The following PTPRR variants were observed in gnomAD, a reference collection of about 807,000 sequenced individuals.
The protein encoded by PTPRR is receptor-type tyrosine-protein phosphatase R.
Under a neutral mutation model 77.2 loss-of-function variants are expected in PTPRR, and 38 were observed. The observed-to-expected ratio is 0.49, with a 90% CI of 0.38 to 0.65. PTPRR has a LOEUF of 0.65. Among genes scored for constraint, PTPRR ranks in the 30% least tolerant of loss-of-function variants. The pLI is 0.00. For synonymous variants in PTPRR, 299 were observed against 283.1 expected (o/e 1.06, Z -0.57); for missense variants, 744 against 799.2 (o/e 0.93, Z 0.83).
intron 11 of PTPRR, among the ~76,000 whole-genome samples, chr12:70,662,287 A>G (rs1032827853): frequency 6.6e-6 from 1 of 152,238 alleles, no homozygotes; most frequent in Non-Finnish European, 1.5e-5. Flanking sequence ...GAATTTTCTT[A>G]ATGTCTACTT....
chr12:70,687,179 A>G (rs1887899358), intron 8 of PTPRR, among the ~76,000 whole-genome samples: 1 of 152,052 alleles, frequency 6.6e-6, no homozygotes, highest in African/African-American at 2.4e-5. Context: ...CCAAGGTCAC[A>G]CAGTAAGAAA....
chr12:70,895,633 C>T (rs754688856), intron 1 of PTPRR, among the ~76,000 whole-genome samples: 4 of 151,538 alleles, frequency 2.6e-5, no homozygotes, highest in Non-Finnish European at 5.9e-5. Context: ...CTACCCGGGA[C>T]ATGATGATAC....
intron 10 of PTPRR, among the ~76,000 whole-genome samples, chr12:70,668,371 TG>T (rs1887091042): frequency 1.3e-5 from 2 of 152,164 alleles, no homozygotes; most frequent in South Asian, 4.2e-4. Context: ...TCATTTGTAA[TG>T]GGGTTTACAA....
intron 5 of PTPRR, 39 bp downstream of exon 5, chr12:70,754,152 G>T: frequency 6.3e-7 from 1 of 1,588,220 alleles, no homozygotes; most frequent in Non-Finnish European, 8.6e-7. Flanking sequence ...CAAGCAGTGG[G>T]CTGAGCAAAG....
Position 70,811,833 on chromosome 12 carries a change from C to T in PTPRR, c.358-47055G>A, listed in dbSNP as rs1891813240. Among the ~76,000 whole-genome samples, 9 of 152,282 alleles carry T rather than the reference C, an allele frequency of 5.9e-5. No homozygotes were observed. In the South Asian group the frequency reaches 1.9e-3, roughly 32 times the overall value. On this transcript the variant is annotated intron_variant, in intron 2 of 13. Transcript: ENST00000283228. ...ATAGCTCTAAGCAGTGGACATAAGG[C>T]CCAATTCTACTGCTAAAACATTATT...
At chr12:70,682,295 G>A (rs1887704060) in intron 10 of PTPRR, among the ~76,000 whole-genome samples, 2 of 151,468 alleles carry the variant, frequency 1.3e-5, no homozygotes, top group South Asian at 2.1e-4. Flanking sequence ...CGCCCGCCTC[G>A]GCCTCCCAAA....
At chr12:70,905,364 T>G (rs770077878) in intron 1 of PTPRR, among the ~76,000 whole-genome samples, 1 of 151,888 alleles carries the variant, frequency 6.6e-6, no homozygotes, top group Non-Finnish European at 1.5e-5. Flanking sequence ...ATGAAATACA[T>G]GGTAGGATTT....
chr12:70,824,803 C>A (rs1056664900), intron 2 of PTPRR, among the ~76,000 whole-genome samples: 1 of 152,106 alleles, frequency 6.6e-6, no homozygotes, highest in African/African-American at 2.4e-5. Flanking sequence ...ACCATTCCTT[C>A]GGGACTAAAC....
At chr12:70,655,038 C>T (rs75766256) in intron 13 of PTPRR, among the ~76,000 whole-genome samples, 2,221 of 152,308 alleles carry the variant, frequency 0.015, 21 homozygotes, top group Non-Finnish European at 0.021. Flanking sequence ...AGCATCTGTC[C>T]ACTTTCTCCA....
At chr12:70,824,708 G>A (rs1892079274) in intron 2 of PTPRR, among the ~76,000 whole-genome samples, 1 of 152,142 alleles carries the variant, frequency 6.6e-6, no homozygotes, top group Non-Finnish European at 1.5e-5. Flanking sequence ...CAGTGCTAGA[G>A]AGCAAATATT....
chr12:70,773,230 A>G (rs981712180), intron 2 of PTPRR, among the ~76,000 whole-genome samples: 2 of 151,918 alleles, frequency 1.3e-5, no homozygotes, highest in South Asian at 4.2e-4. Context: ...ACCTACAACA[A>G]CCTTATTTTC....
At chr12:70,733,355 T>C (rs1016282867) in intron 6 of PTPRR, among the ~76,000 whole-genome samples, 11 of 142,440 alleles carry the variant, frequency 7.7e-5, no homozygotes, top group African/African-American at 3.0e-4. Flanking sequence ...TTCTAAGGTA[T>C]ATACCAAAAA....
intron 1 of PTPRR, among the ~76,000 whole-genome samples, chr12:70,897,706 A>G (rs548552298): frequency 1.4e-4 from 21 of 152,080 alleles, no homozygotes; most frequent in African/African-American, 4.8e-4. Context: ...ACATGCACAC[A>G]TATGTTGGTT....
At chr12:70,673,706 A>G (rs1887332672) in intron 10 of PTPRR, among the ~76,000 whole-genome samples, 1 of 152,150 alleles carries the variant, frequency 6.6e-6, no homozygotes, top group African/African-American at 2.4e-5. Flanking sequence ...TTTTATGACA[A>G]TTTACTCAGA....
intron 2 of PTPRR, among the ~76,000 whole-genome samples, chr12:70,815,716 GT>G (rs917758561): frequency 6.6e-6 from 1 of 152,106 alleles, no homozygotes; most frequent in Non-Finnish European, 1.5e-5. Flanking sequence ...GAAATTATAT[GT>G]TTTGAAGTTG....
chr12:70,651,882 G>A (rs1402373075), intron 13 of PTPRR, among the ~76,000 whole-genome samples: 3 of 146,268 alleles, frequency 2.1e-5, no homozygotes, highest in East Asian at 4.1e-4. Flanking sequence ...TCGCTATCTC[G>A]AATTCTTTGG....
At chr12:70,790,010 T>C (rs1397683373) in intron 2 of PTPRR, among the ~76,000 whole-genome samples, 1 of 152,168 alleles carries the variant, frequency 6.6e-6, no homozygotes, top group East Asian at 1.9e-4. Flanking sequence ...AAAAGGATAA[T>C]GTTACATCAA....
At chr12:70,853,875 C>T (rs781645178) in intron 2 of PTPRR, among the ~76,000 whole-genome samples, 2 of 152,126 alleles carry the variant, frequency 1.3e-5, no homozygotes, top group African/African-American at 2.4e-5. Context: ...TGCCAAGTGG[C>T]GAGTTGTTTC....
chr12:70,736,590 AC>A (rs1889869261), intron 6 of PTPRR, among the ~76,000 whole-genome samples: 1 of 152,134 alleles, frequency 6.6e-6, no homozygotes, highest in Non-Finnish European at 1.5e-5. Context: ...ATGAGTTTCC[AC>A]TCTAAGGAGG....
Sources: allele counts gnomAD v4.1 joint callset (sites outside exome capture counted in the v4.1 genomes callset), GRCh38; gene constraint gnomAD v4.1.1; transcripts MANE v1.5; gene names NCBI Gene and HGNC (gene_info 2026-07-23, HGNC 2026-07-21).